Variants in TAFA1 observed in about 807,000 individuals in gnomAD.
The protein encoded by TAFA1 is TAFA chemokine like family member 1.
Under a neutral mutation model 18.5 loss-of-function variants are expected in TAFA1, and 4 were observed. The ratio of observed to expected loss-of-function variants is 0.22; its 90% CI spans 0.11 to 0.49. TAFA1 has a LOEUF of 0.49. TAFA1 is among the 20% of genes least tolerant of loss of function. The pLI is 0.98. For missense variants in TAFA1, 147 were observed against 169.0 expected (o/e 0.87, Z 0.72); for synonymous variants, 56 against 55.2 (o/e 1.01, Z -0.06).
chr3:68,036,635 AC>A (rs1298009713), intron 2 of TAFA1, among the ~76,000 whole-genome samples: 2 of 152,126 alleles, frequency 1.3e-5, no homozygotes, highest in Non-Finnish European at 2.9e-5. Context: ...AAGTTTGGCT[AC>A]AGGTGACCTT....
chr3:68,370,496 A>ACG (rs1471499759), intron 2 of TAFA1, among the ~76,000 whole-genome samples: 1,331 of 89,812 alleles, frequency 0.015, 110 homozygotes, highest in Middle Eastern at 0.034. Context: ...ATATATATAT[A>ACG]TATATATATA....
intron 2 of TAFA1, among the ~76,000 whole-genome samples, chr3:68,274,270 A>C (rs972146801): frequency 1.3e-5 from 2 of 152,188 alleles, no homozygotes; most frequent in Admixed American, 6.5e-5. Context: ...TTCATGAAGA[A>C]GGACAAAAGA....
chr3:68,194,676 C>T (rs2066389653), intron 2 of TAFA1, among the ~76,000 whole-genome samples: 1 of 151,650 alleles, frequency 6.6e-6, no homozygotes, highest in African/African-American at 2.4e-5. Flanking sequence ...TTGTTGTAGG[C>T]CACCCAGTTT....
At chr3:68,474,049 AC>A (rs3037409) in intron 3 of TAFA1, among the ~76,000 whole-genome samples, 55,318 of 135,976 alleles carry the variant, frequency 0.41, 12,255 homozygotes, top group African/African-American at 0.62. Context: ...AAAATGTATC[AC>A]CCCCCCCCCC....
chr3:68,326,469 A>C (rs2068779570), intron 2 of TAFA1, among the ~76,000 whole-genome samples: 1 of 152,148 alleles, frequency 6.6e-6, no homozygotes, highest in Non-Finnish European at 1.5e-5. Flanking sequence ...CCCATTTAAG[A>C]TATCATATGT....
intron 4 of TAFA1, among the ~76,000 whole-genome samples, chr3:68,541,265 C>A (rs1377150006): frequency 6.6e-6 from 1 of 152,146 alleles, no homozygotes; most frequent in Non-Finnish European, 1.5e-5. Context: ...CTCCCTCCTC[C>A]CTCCTTCTCA....
At chr3:68,125,355 A>G (rs1393205752) in intron 2 of TAFA1, among the ~76,000 whole-genome samples, 2 of 152,222 alleles carry the variant, frequency 1.3e-5, no homozygotes, top group Non-Finnish European at 2.9e-5. Flanking sequence ...CTGTGCTGCT[A>G]TTGTGAATTT....
At chr3:68,217,468 T>C (rs772401591) in intron 2 of TAFA1, among the ~76,000 whole-genome samples, 6 of 152,046 alleles carry the variant, frequency 3.9e-5, no homozygotes, top group Admixed American at 2.0e-4. Context: ...AAGAGACAGA[T>C]GGCTCAATTA....
At chr3:68,463,300 G>T (rs2071820015) in intron 3 of TAFA1, among the ~76,000 whole-genome samples, 2 of 152,056 alleles carry the variant, frequency 1.3e-5, no homozygotes, top group Non-Finnish European at 2.9e-5. Context: ...AAAAGTTAAA[G>T]AAGTTATTTA....
intron 2 of TAFA1, among the ~76,000 whole-genome samples, chr3:68,203,178 C>T (rs2066487657): frequency 1.3e-5 from 2 of 151,724 alleles, no homozygotes; most frequent in African/African-American, 4.8e-5. Context: ...CTTATCTTTG[C>T]TCCTTTGCAG....
chr3:68,015,699 A>G (rs935553764), intron 2 of TAFA1, among the ~76,000 whole-genome samples: 8 of 152,252 alleles, frequency 5.3e-5, no homozygotes, highest in African/African-American at 7.2e-5. Flanking sequence ...TTAATACTTT[A>G]TGAAAGTTCT....
chr3:68,377,755 A>G (rs147879291), intron 2 of TAFA1, among the ~76,000 whole-genome samples: 127 of 152,224 alleles, frequency 8.3e-4, no homozygotes, highest in African/African-American at 2.8e-3. Flanking sequence ...CCTAGGAGAA[A>G]AAAATGGTTT....
At chr3:68,364,258 A>G (rs1559634688) in intron 2 of TAFA1, among the ~76,000 whole-genome samples, 1 of 152,188 alleles carries the variant, frequency 6.6e-6, no homozygotes, top group Non-Finnish European at 1.5e-5. Flanking sequence ...CTGGACTTCA[A>G]TCCAGACTTG....
chr3:68,276,138 G>T (rs746152720), intron 2 of TAFA1, among the ~76,000 whole-genome samples: 8 of 151,312 alleles, frequency 5.3e-5, no homozygotes, highest in Admixed American at 2.0e-4. Flanking sequence ...TCAGCCAATT[G>T]GTAATTTAAT....
At chr3:68,071,214 G>A (rs550740069) in intron 2 of TAFA1, among the ~76,000 whole-genome samples, 99 of 152,244 alleles carry the variant, frequency 6.5e-4, no homozygotes, top group Non-Finnish European at 1.2e-3. Context: ...TCTCAATCAT[G>A]GCAGAAGCCA....
At chr3:68,113,920 T>A (rs1281166814) in intron 2 of TAFA1, among the ~76,000 whole-genome samples, 76 of 117,402 alleles carry the variant, frequency 6.5e-4, no homozygotes, top group African/African-American at 2.3e-3. Flanking sequence ...TTTTTTTTTT[T>A]ATGAGACAGA....
chr3:68,106,089 C>A (rs562415302), intron 2 of TAFA1, among the ~76,000 whole-genome samples: 8 of 151,502 alleles, frequency 5.3e-5, no homozygotes, highest in Non-Finnish European at 8.8e-5. Flanking sequence ...CTTTCACACA[C>A]AAAAATCACA....
chr3:68,276,787 T>A (rs925377567), intron 2 of TAFA1, among the ~76,000 whole-genome samples: 6 of 152,112 alleles, frequency 3.9e-5, no homozygotes, highest in Non-Finnish European at 1.5e-5. Flanking sequence ...ATGCTATTTT[T>A]AAAATAGTTT....
chr3:68,321,487 C>A (rs1380192137), intron 2 of TAFA1, among the ~76,000 whole-genome samples: 1 of 152,044 alleles, frequency 6.6e-6, no homozygotes, highest in Non-Finnish European at 1.5e-5. Context: ...ATGTAAGAAC[C>A]AAGTACTCAA....
Sources: allele counts gnomAD v4.1 joint callset (sites outside exome capture counted in the v4.1 genomes callset), GRCh38; gene constraint gnomAD v4.1.1; transcripts MANE v1.5; gene names NCBI Gene and HGNC (gene_info 2026-07-23, HGNC 2026-07-21).